Variants in TNRC6B observed in about 807,000 individuals in gnomAD.
TNRC6B encodes trinucleotide repeat containing adaptor 6B.
Under a neutral mutation model 203.6 loss-of-function variants are expected in TNRC6B, and 52 were observed. That is an observed-to-expected ratio of 0.26 (90% CI 0.20 to 0.32). The LOEUF is 0.32. TNRC6B is among the 10% of genes least tolerant of loss of function. The pLI is 1.00. For synonymous variants in TNRC6B, 838 were observed against 845.7 expected, an observed-to-expected ratio of 0.99 and a Z score of 0.16; for missense variants, 1,923 against 2,286.2, an observed-to-expected ratio of 0.84 and a Z score of 3.24.
Position 40,325,031 on chromosome 22 carries a change from T to C in TNRC6B, c.*1790T>C, listed in dbSNP as rs915547437. ...GACCTGAAGGGGGCGAAAAACCAGA[T>C]AGGGTGGGGGGATGGATGCCGGTGA... On this transcript the variant is annotated 3_prime_UTR_variant, in exon 23 of 23. Transcript: ENST00000454349. The C allele has an allele frequency of 6.6e-6, 1 of 152,540 alleles. No homozygotes were observed. The highest frequency in any genetic ancestry group is 2.1e-4 in the South Asian group (1 of 4,828). The allele number at this position is 152,540 out of a possible 1,614,324, so 9.4% of individuals were successfully genotyped here. A position where few individuals can be genotyped will look rare whatever the true frequency, so the allele number is the denominator to read the frequency against.
rs558382163 is a variant in TNRC6B, at chr22:40,159,124, G to A, written c.113+2942G>A. Among the ~76,000 whole-genome samples the A allele has an allele frequency of 4.6e-5, 7 of 151,376 alleles. No individual in the cohort carries two copies. The South Asian group carries it at 1.1e-3, about 23-fold the overall frequency. ...ACTACAGGCGCCCACCATCACACCC[G>A]GCTGATTTTTCTGTATTTTTAGTAG... is the stretch of plus-strand genomic sequence containing the variant. On this transcript the variant is annotated intron_variant, in intron 4 of 23. Coordinates refer to the TNRC6B transcript ENST00000301923.
intron 1 of TNRC6B, among the ~76,000 whole-genome samples, chr22:40,244,048 G>A (rs994202365): frequency 1.3e-5 from 2 of 151,666 alleles, no homozygotes; most frequent in African/African-American, 4.9e-5. Context: ...ACTGTAAAAT[G>A]TGGAAGCCAA....
intron 12 of TNRC6B, among the ~76,000 whole-genome samples, chr22:40,299,158 C>CAAAAAAAAAAA (rs796432826): frequency 3.9e-5 from 4 of 103,062 alleles, no homozygotes; most frequent in African/African-American, 7.7e-5. Flanking sequence ...AAAAAAAAAA[C>CAAAAAAAAAAA]AAAAAAAAAA....
intron 11 of TNRC6B, 98 bp downstream of exon 11, chr22:40,281,387 T>A: frequency 2.9e-6 from 3 of 1,047,634 alleles, no homozygotes; most frequent in Non-Finnish European, 3.9e-6. Context: ...GGGAAATTTG[T>A]TGATTACTGA....
chr22:40,241,555 A>T (rs191860354), intron 1 of TNRC6B, among the ~76,000 whole-genome samples: 2 of 152,200 alleles, frequency 1.3e-5, no homozygotes, highest in African/African-American at 4.8e-5. Context: ...CTTTGATGGT[A>T]TTCAGGTTAA....
At chr22:40,136,584 CTT>C (rs1452092137) in intron 3 of TNRC6B, among the ~76,000 whole-genome samples, 2 of 151,020 alleles carry the variant, frequency 1.3e-5, no homozygotes, top group Non-Finnish European at 3.0e-5. Context: ...TTTTTTAACT[CTT>C]TTTGTAGAGA....
rs1466500457 is a variant in TNRC6B at position 40,206,471 on chromosome 22, C to A, written c.5+28331C>A. ...TAAATAGACAGAGCTTTGTCATGTT[C>A]ATGGTTAAGAAGGCTCAATTATTTT... On this transcript the variant is annotated intron_variant, in intron 1 of 22. Transcript: ENST00000454349. 7.3e-5 allele frequency among the ~76,000 whole-genome samples: 11 copies of A among 151,640 alleles called. No individual in the cohort carries two copies. In the Admixed American group the frequency reaches 7.3e-4, roughly 10 times the overall value.
At chr22:40,216,352 G>A (rs1465324510) in intron 1 of TNRC6B, among the ~76,000 whole-genome samples, 2 of 152,074 alleles carry the variant, frequency 1.3e-5, no homozygotes, top group African/African-American at 2.4e-5. Context: ...TCTACAGCAG[G>A]CCTCTTTCCC....
chr22:40,322,895 C>A lies in TNRC6B; in HGVS notation c.5156C>A (p.Thr1719Asn). Reference protein sequence around the residue: ...GNTTILAEFATDDEVSRFLAQ... With the variant: ...GNTTILAEFANDDEVSRFLAQ... ...ACTACCATCCTTGCTGAGTTTGCCACTGATGATGAAGTCAGCCGCTTTCTG... is the reference window on the plus strand; with the variant it reads ...ACTACCATCCTTGCTGAGTTTGCCAATGATGATGAAGTCAGCCGCTTTCTG... Residue 1719 changes from threonine (T) to asparagine (N), a missense_variant, in exon 23 of 23, where the codon ACT becomes AAT. Thr to Asn is a moderately conservative substitution (Grantham distance 65, BLOSUM62 0). This residue lies in a region of TNRC6B where 34 missense variants were observed against 98.5 expected (regional missense o/e 0.35). Coordinates refer to ENST00000454349, the MANE Select transcript of TNRC6B (RefSeq NM_001162501.2). 6.2e-7 allele frequency: 1 copy of A among 1,613,992 alleles called. No homozygotes were observed. Among genetic ancestry groups the A allele is most frequent in the African/African-American group, 1.3e-5 (1 of 75,058 alleles).
intron 1 of TNRC6B, among the ~76,000 whole-genome samples, chr22:40,081,197 T>C (rs1296009804): frequency 6.6e-6 from 1 of 152,136 alleles, no homozygotes; most frequent in Non-Finnish European, 1.5e-5. Context: ...ATCTTTTGTC[T>C]CATAGCCTAA....
At chr22:40,090,011 G>C (rs968063834) in intron 1 of TNRC6B, among the ~76,000 whole-genome samples, 1 of 152,086 alleles carries the variant, frequency 6.6e-6, no homozygotes, top group Non-Finnish European at 1.5e-5. Context: ...TTCATGGCTT[G>C]ATAGCTCATT....
rs1028993640 is a variant in TNRC6B at position 40,330,511 on chromosome 22, T to A, written c.*7270T>A. ...GCCAAAAATGGGAAAGGTGGGTATT[T>A]AGGCAAAACAAAATAAAAACCTTTG... On this transcript the variant is annotated 3_prime_UTR_variant, in exon 23 of 23. Coordinates refer to ENST00000454349, the MANE Select transcript of TNRC6B (RefSeq NM_001162501.2). 6.6e-6 allele frequency: 1 copy of A among 152,498 alleles called. No individual in the cohort carries two copies. Among genetic ancestry groups the A allele is most frequent in the East Asian group, 1.9e-4 (1 of 5,204 alleles). 9.4% of individuals were successfully genotyped at this position (152,498 alleles called of 1,614,324 possible). A position where few individuals can be genotyped will look rare whatever the true frequency, so the allele number is the denominator to read the frequency against.
chr22:40,164,156 T>G (rs934320938), intron 4 of TNRC6B, among the ~76,000 whole-genome samples: 4 of 151,488 alleles, frequency 2.6e-5, no homozygotes, highest in Non-Finnish European at 5.9e-5. Flanking sequence ...CCGAGGCAGG[T>G]GGATCACTTG....
chr22:40,316,881 A>G (rs2071267375), intron 21 of TNRC6B, among the ~76,000 whole-genome samples: 1 of 152,238 alleles, frequency 6.6e-6, no homozygotes, highest in African/African-American at 2.4e-5. Context: ...AAAACCCACT[A>G]GAGAGTGGGT....
chr22:40,295,064 C>G (rs1245469075), intron 12 of TNRC6B, among the ~76,000 whole-genome samples: 1 of 152,118 alleles, frequency 6.6e-6, no homozygotes, highest in Non-Finnish European at 1.5e-5. Flanking sequence ...AGAGTACTTT[C>G]CAAAATGACA....
intron 3 of TNRC6B, among the ~76,000 whole-genome samples, chr22:40,138,140 A>G (rs1169868570): frequency 6.6e-6 from 1 of 152,196 alleles, no homozygotes; most frequent in East Asian, 1.9e-4. Flanking sequence ...TGGTCTGCAG[A>G]GGAGGGGACT....
intron 1 of TNRC6B, among the ~76,000 whole-genome samples, chr22:40,048,547 A>T (rs1169206486): frequency 6.6e-6 from 1 of 152,080 alleles, no homozygotes; most frequent in Non-Finnish European, 1.5e-5. Context: ...TCTCAAAAAA[A>T]AAAAAAAAAA....
chr22:40,136,164 G>A (rs1222361874), intron 3 of TNRC6B, among the ~76,000 whole-genome samples: 1 of 152,162 alleles, frequency 6.6e-6, no homozygotes, highest in Non-Finnish European at 1.5e-5. Flanking sequence ...AAACTCTGTA[G>A]CCATTTCTCA....
intron 1 of TNRC6B, among the ~76,000 whole-genome samples, chr22:40,046,802 G>A (rs2067692024): frequency 6.6e-6 from 1 of 151,754 alleles, no homozygotes; most frequent in East Asian, 1.9e-4. Flanking sequence ...CCGCCACCAC[G>A]CCCGGCTAAT....
Sources: allele counts gnomAD v4.1 joint callset (sites outside exome capture counted in the v4.1 genomes callset), GRCh38; gene constraint gnomAD v4.1.1; regional missense constraint gnomAD v4.1.1; transcripts MANE v1.5; gene names NCBI Gene and HGNC (gene_info 2026-07-23, HGNC 2026-07-21).